The following PRKCA variants were observed in gnomAD, a reference collection of about 807,000 sequenced individuals.
PRKCA encodes protein kinase C alpha type.
In PRKCA, 27 loss-of-function variants were observed where a neutral mutation model predicts 87.0. The observed-to-expected ratio is 0.31, with a 90% CI of 0.23 to 0.43. PRKCA has a LOEUF of 0.43. Ranked by LOEUF, PRKCA falls within the 20% of genes least tolerant of loss-of-function variation. The pLI is 1.00. For synonymous variants in PRKCA, 329 were observed against 311.1 expected (o/e 1.06, Z -0.61); for missense variants, 518 against 852.3 (o/e 0.61, Z 4.88).
intron 13 of PRKCA, among the ~76,000 whole-genome samples, chr17:66,770,428 G>T (rs1337568564): frequency 6.6e-6 from 1 of 152,010 alleles, no homozygotes; most frequent in African/African-American, 2.4e-5. Flanking sequence ...TCTTTATATG[G>T]TATAGCAGTT....
intron 2 of PRKCA, among the ~76,000 whole-genome samples, chr17:66,443,967 G>T (rs555818621): frequency 2.6e-5 from 4 of 152,262 alleles, no homozygotes; most frequent in African/African-American, 7.2e-5. Context: ...GCAGACTTGA[G>T]TTGAGACCTG....
Position 66,371,477 on chromosome 17 carries a change from G to A in PRKCA, c.205+65350G>A, listed in dbSNP as rs534725654. ...GACAGTCTGCTCTGGTTGATGAACA[G>A]CATAGCTCTGGACCCAGACTGCCTG... On this transcript the variant is annotated intron_variant, in intron 2 of 16. Coordinates refer to ENST00000413366, the MANE Select transcript of PRKCA (RefSeq NM_002737.3). 2.0e-5 allele frequency among the ~76,000 whole-genome samples: 3 copies of A among 152,310 alleles called. No homozygotes were observed. In the South Asian group the frequency reaches 6.2e-4, roughly 32 times the overall value.
intron 3 of PRKCA, among the ~76,000 whole-genome samples, chr17:66,551,415 A>G (rs1402840203): frequency 6.6e-6 from 1 of 152,218 alleles, no homozygotes; most frequent in Non-Finnish European, 1.5e-5. Context: ...ACCCATTCCC[A>G]AGCCTGCTTT....
chr17:66,395,535 G>T (rs1910614361), intron 2 of PRKCA, among the ~76,000 whole-genome samples: 1 of 152,136 alleles, frequency 6.6e-6, no homozygotes, highest in Non-Finnish European at 1.5e-5. Context: ...GCTTTGGCTA[G>T]CACAGACTTA....
intron 13 of PRKCA, among the ~76,000 whole-genome samples, chr17:66,764,596 A>G (rs1375118127): frequency 6.6e-6 from 1 of 152,202 alleles, no homozygotes; most frequent in Non-Finnish European, 1.5e-5. Flanking sequence ...GTATAATAAT[A>G]ATGATCTAAA....
intron 4 of PRKCA, among the ~76,000 whole-genome samples, chr17:66,642,872 G>A (rs956392480): frequency 5.3e-5 from 8 of 152,138 alleles, no homozygotes; most frequent in African/African-American, 1.7e-4. Context: ...GCGAAACCCC[G>A]TCTCTACTAA....
intron 3 of PRKCA, among the ~76,000 whole-genome samples, chr17:66,519,125 T>A (rs1251788961): frequency 6.6e-6 from 1 of 152,150 alleles, no homozygotes; most frequent in Non-Finnish European, 1.5e-5. Context: ...TAGTGAGCTA[T>A]GTCCTGGTTT....
At chr17:66,673,380 A>G (rs565990488) in intron 5 of PRKCA, among the ~76,000 whole-genome samples, 1 of 152,330 alleles carries the variant, frequency 6.6e-6, no homozygotes, top group African/African-American at 2.4e-5. Flanking sequence ...CACCAGCAAA[A>G]TAGAATATTC....
At chr17:66,311,700 G>C (rs1905093116) in intron 2 of PRKCA, among the ~76,000 whole-genome samples, 1 of 152,146 alleles carries the variant, frequency 6.6e-6, no homozygotes, top group Non-Finnish European at 1.5e-5. Context: ...TTAATACTTA[G>C]AAGTAGGGAT....
chr17:66,485,004 G>A (rs929054575), intron 2 of PRKCA, among the ~76,000 whole-genome samples: 8 of 151,826 alleles, frequency 5.3e-5, no homozygotes, highest in African/African-American at 1.9e-4. Flanking sequence ...GGAGTGGGGA[G>A]GGTGGGGTTG....
chr17:66,451,590 G>T (rs78789766), intron 2 of PRKCA, among the ~76,000 whole-genome samples: 1 of 152,066 alleles, frequency 6.6e-6, no homozygotes. Flanking sequence ...AGGGTTGACC[G>T]GGTATTTTGG....
intron 3 of PRKCA, among the ~76,000 whole-genome samples, chr17:66,637,137 C>A (rs549447489): frequency 1.3e-5 from 2 of 152,052 alleles, no homozygotes; most frequent in Non-Finnish European, 1.5e-5. Context: ...ATGGCTGTTG[C>A]GTGAGTAAGC....
intron 3 of PRKCA, among the ~76,000 whole-genome samples, chr17:66,545,241 A>G (rs981231914): frequency 6.6e-6 from 1 of 152,142 alleles, no homozygotes; most frequent in African/African-American, 2.4e-5. Context: ...ATCCTGGCTA[A>G]CACGGTGAAA....
intron 5 of PRKCA, among the ~76,000 whole-genome samples, chr17:66,685,962 C>T (rs544939280): frequency 9.1e-4 from 138 of 152,290 alleles, no homozygotes; most frequent in Non-Finnish European, 1.2e-3. Context: ...GCCAGTGCCG[C>T]CGGTCCAGGG....
At chr17:66,493,345 A>G (rs1223234044) in intron 2 of PRKCA, among the ~76,000 whole-genome samples, 2 of 149,276 alleles carry the variant, frequency 1.3e-5, no homozygotes, top group Non-Finnish European at 3.0e-5. Flanking sequence ...TTTGTCATAT[A>G]CCCATTTTCC....
In PRKCA at chr17:66,567,332, A is replaced by G. The variant is rs191608812; in HGVS notation, c.288+71049A>G. Reference sequence around the variant, plus strand: ...CACCGAACAACTTCTGGAACATTCCAGAGCGTGGCTTTGTAGCTGGAGAGA... The same window carrying G: ...CACCGAACAACTTCTGGAACATTCCGGAGCGTGGCTTTGTAGCTGGAGAGA... On this transcript the variant is annotated intron_variant, in intron 3 of 16. Transcript: ENST00000413366. Among the ~76,000 whole-genome samples, 51 of 152,356 alleles carry G rather than the reference A, an allele frequency of 3.3e-4. 1 individual carries two copies. The highest frequency in any genetic ancestry group is 1.2e-3 in the African/African-American group (49 of 41,584).
chr17:66,710,663 A>G (rs1990503), intron 8 of PRKCA, among the ~76,000 whole-genome samples: 21,248 of 151,758 alleles, frequency 0.14, 1,745 homozygotes, highest in East Asian at 0.27. Context: ...CGGCCCTCCC[A>G]TGAAAAAAAA....
In PRKCA at chr17:66,495,525, GTATTTTATTT is replaced by G. The variant is rs56718851; in HGVS notation, c.206-644_206-635del. 3.1e-3 allele frequency among the ~76,000 whole-genome samples: 432 copies of G among 137,338 alleles called. 3 individuals are homozygous for G. The highest frequency in any genetic ancestry group is 7.7e-3 in the African/African-American group (269 of 34,944). The allele number at this position is 137,338 out of a possible 152,430, so 90.1% of individuals were successfully genotyped here. A position where few individuals can be genotyped will look rare whatever the true frequency, so the allele number is the denominator to read the frequency against. The stretch of plus-strand genomic sequence containing the variant: ...GTGTGTTGCTATAGGATGGTGCAAA[GTATTTTATTT>G]TATTTTATTTTATTTTATTTTATTT... On this transcript the variant is annotated intron_variant, in intron 2 of 16. Coordinates refer to ENST00000413366, the MANE Select transcript of PRKCA (RefSeq NM_002737.3).
chr17:66,666,086 A>G (rs536733810), intron 5 of PRKCA, among the ~76,000 whole-genome samples: 3 of 152,314 alleles, frequency 2.0e-5, no homozygotes, highest in African/African-American at 7.2e-5. Context: ...GATGAGAGCA[A>G]TCAGTGTAGA....
Sources: allele counts gnomAD v4.1 joint callset (sites outside exome capture counted in the v4.1 genomes callset), GRCh38; gene constraint gnomAD v4.1.1; transcripts MANE v1.5; gene names NCBI Gene and HGNC (gene_info 2026-07-23, HGNC 2026-07-21).